ZFPM2: variants seen among roughly 807,000 people sequenced by gnomAD.
ZFPM2 encodes zinc finger protein ZFPM2.
A neutral mutation model predicts 98.6 loss-of-function variants in ZFPM2; 20 were observed. The ratio of observed to expected loss-of-function variants is 0.20; its 90% CI spans 0.14 to 0.29. ZFPM2 has a LOEUF of 0.29. Among genes scored for constraint, ZFPM2 ranks in the 10% least tolerant of loss-of-function variants. The pLI is 1.00. For synonymous variants in ZFPM2, 518 were observed against 502.7 expected, an observed-to-expected ratio of 1.03 and a Z score of -0.41; for missense variants, 1,310 against 1,388.6, an observed-to-expected ratio of 0.94 and a Z score of 0.90.
chr8:105,727,542 C>G (rs1436309434), intron 5 of ZFPM2, among the ~76,000 whole-genome samples: 1 of 151,638 alleles, frequency 6.6e-6, no homozygotes, highest in African/African-American at 2.4e-5. Flanking sequence ...TTAACCTGTT[C>G]TCTCAGCTAA....
chr8:105,757,222 A>G (rs747792617), intron 5 of ZFPM2, among the ~76,000 whole-genome samples: 9 of 152,138 alleles, frequency 5.9e-5, no homozygotes, highest in Non-Finnish European at 1.3e-4. Context: ...GTCTAAAGGC[A>G]TTTTATCTCC....
rs1285768760 is a variant in ZFPM2, at chr8:105,650,626, T to C, written c.532+16269T>C. On this transcript the variant is annotated intron_variant, in intron 5 of 7. Coordinates refer to ENST00000407775, the MANE Select transcript of ZFPM2 (RefSeq NM_012082.4). ...AACATCTTTATTTCTGCCTTCATTTTGTTATGTACCCAGTAGTCATTCAGG... is the reference window on the plus strand; with the variant it reads ...AACATCTTTATTTCTGCCTTCATTTCGTTATGTACCCAGTAGTCATTCAGG... Among the ~76,000 whole-genome samples, 4 of 152,308 alleles carry C rather than the reference T, an allele frequency of 2.6e-5. No individual in the cohort carries two copies. In the East Asian group the frequency reaches 7.7e-4, roughly 29 times the overall value.
chr8:105,405,456 T>C (rs1016635024), intron 1 of ZFPM2, among the ~76,000 whole-genome samples: 2 of 122,644 alleles, frequency 1.6e-5, no homozygotes, highest in African/African-American at 6.2e-5. Flanking sequence ...CAGTCCCTGG[T>C]GTGTGATGTT....
At position 105,770,719 on chromosome 8, in the gene ZFPM2, A is replaced by G. The variant is rs140626352; in HGVS notation, c.533-17999A>G. Among the ~76,000 whole-genome samples the G allele has an allele frequency of 2.7e-3, 408 of 152,280 alleles. 1 individual carries two copies. Among genetic ancestry groups the G allele is most frequent in the African/African-American group, 8.4e-3 (351 of 41,576 alleles). ...GCTATTAAACCACAAAGCTTCATTT[A>G]GTAATTCAAGACCAAAATGCAATAG... On this transcript the variant is annotated intron_variant, in intron 5 of 7. Transcript: ENST00000407775.
intron 5 of ZFPM2, among the ~76,000 whole-genome samples, chr8:105,766,324 T>C (rs1812852185): frequency 6.6e-6 from 1 of 151,942 alleles, no homozygotes; most frequent in Non-Finnish European, 1.5e-5. Context: ...GTTATCTGTT[T>C]AGATCAGTTT....
chr8:105,730,378 AGGTCCCAC>A (rs1811901436), intron 5 of ZFPM2, among the ~76,000 whole-genome samples: 2 of 151,796 alleles, frequency 1.3e-5, no homozygotes, highest in South Asian at 4.1e-4. Flanking sequence ...ACTCATATTT[AGGTCCCAC>A]TGCTACTCCC....
chr8:105,350,457 T>G (rs1812619438), intron 1 of ZFPM2, among the ~76,000 whole-genome samples: 1 of 152,132 alleles, frequency 6.6e-6, no homozygotes, highest in South Asian at 2.1e-4. Flanking sequence ...ATAGAATAAA[T>G]AATCAGATAA....
chr8:105,547,818 T>C (rs1174102866), intron 3 of ZFPM2, among the ~76,000 whole-genome samples: 1 of 152,176 alleles, frequency 6.6e-6, no homozygotes, highest in East Asian at 1.9e-4. Context: ...ATAATTTCTA[T>C]CTTCTGATAT....
intron 1 of ZFPM2, among the ~76,000 whole-genome samples, chr8:105,364,013 A>C (rs1425767127): frequency 1.3e-5 from 2 of 152,096 alleles, no homozygotes; most frequent in Non-Finnish European, 2.9e-5. Context: ...GTAGAGAAAG[A>C]AGAGGAAGAT....
chr8:105,677,469 A>C (rs1369719825), intron 5 of ZFPM2, among the ~76,000 whole-genome samples: 2 of 152,128 alleles, frequency 1.3e-5, no homozygotes. Flanking sequence ...ATCATCACAA[A>C]ACAATGATAT....
chr8:105,779,222 C>T (rs1368497245), intron 5 of ZFPM2, among the ~76,000 whole-genome samples: 11 of 152,046 alleles, frequency 7.2e-5, no homozygotes, highest in Admixed American at 7.2e-4. Flanking sequence ...GCTCCTTATC[C>T]TACTTTATAT....
At chr8:105,505,008 T>A (rs1813671305) in intron 3 of ZFPM2, among the ~76,000 whole-genome samples, 1 of 152,148 alleles carries the variant, frequency 6.6e-6, no homozygotes, top group Non-Finnish European at 1.5e-5. Flanking sequence ...TTCACAAAAA[T>A]GTCAGTCTAA....
At chr8:105,800,221 C>T (rs1813960203) in intron 7 of ZFPM2, among the ~76,000 whole-genome samples, 1 of 152,130 alleles carries the variant, frequency 6.6e-6, no homozygotes, top group South Asian at 2.1e-4. Flanking sequence ...AAAAGGCAGT[C>T]TTATTCTAGT....
chr8:105,436,293 G>T (rs1309006073), intron 2 of ZFPM2, among the ~76,000 whole-genome samples: 1 of 152,116 alleles, frequency 6.6e-6, no homozygotes, highest in Non-Finnish European at 1.5e-5. Flanking sequence ...GCTGAAGCAG[G>T]CTGGTCACCT....
intron 4 of ZFPM2, among the ~76,000 whole-genome samples, chr8:105,605,971 A>AT (rs1816188665): frequency 6.6e-6 from 1 of 151,896 alleles, no homozygotes; most frequent in Non-Finnish European, 1.5e-5. Context: ...AAAGTTTGTC[A>AT]TTTTCTCTTA....
At chr8:105,600,258 T>A (rs1185273683) in intron 4 of ZFPM2, among the ~76,000 whole-genome samples, 1 of 152,146 alleles carries the variant, frequency 6.6e-6, no homozygotes. Flanking sequence ...AATAATGAGA[T>A]CAGTATTTTG....
chr8:105,389,010 TGAC>T (rs1281793286), intron 1 of ZFPM2, among the ~76,000 whole-genome samples: 1 of 128,098 alleles, frequency 7.8e-6, no homozygotes. Context: ...CAGAATTTGA[TGAC>T]GTGTGTGTGT....
At chr8:105,428,116 G>T (rs1211845359) in intron 2 of ZFPM2, among the ~76,000 whole-genome samples, 1 of 152,262 alleles carries the variant, frequency 6.6e-6, no homozygotes, top group African/African-American at 2.4e-5. Flanking sequence ...GCTTCCTGAT[G>T]TCCACTATTA....
chr8:105,793,394 A>T (rs958059018), intron 6 of ZFPM2, among the ~76,000 whole-genome samples: 1 of 152,082 alleles, frequency 6.6e-6, no homozygotes, highest in Non-Finnish European at 1.5e-5. Context: ...TCTTTTCTTT[A>T]AGAATGTTGA....
Sources: gnomAD v4.1 joint callset for allele counts (sites outside exome capture counted in the v4.1 genomes callset) on GRCh38, gnomAD v4.1.1 for gene constraint, MANE v1.5 for transcripts, NCBI Gene and HGNC (gene_info 2026-07-23, HGNC 2026-07-21) for gene names.